RBFOX1: variants seen among roughly 807,000 people sequenced by gnomAD.
The protein encoded by RBFOX1 is RNA binding protein fox-1 homolog 1.
In RBFOX1, 8 loss-of-function variants were observed where a neutral mutation model predicts 57.7. The ratio of observed to expected loss-of-function variants is 0.14; its 90% CI spans 0.08 to 0.25. The LOEUF is 0.25. RBFOX1 is among the 10% of genes least tolerant of loss of function. The probability of loss-of-function intolerance (pLI) is 1.00; values close to 1 mark genes in which losing one functional copy is unlikely to be tolerated. For missense variants in RBFOX1, 611 were observed against 548.5 expected, an observed-to-expected ratio of 1.11 and a Z score of -1.14; for synonymous variants, 326 against 222.4, an observed-to-expected ratio of 1.47 and a Z score of -4.15.
intron 3 of RBFOX1, among the ~76,000 whole-genome samples, chr16:6,810,501 T>C (rs1195757251): frequency 6.6e-6 from 1 of 152,188 alleles, no homozygotes; most frequent in African/African-American, 2.4e-5. Flanking sequence ...GTCTTGATTC[T>C]GTGAATGTCC....
At chr16:6,620,757 A>G (rs1294211569) in intron 2 of RBFOX1, among the ~76,000 whole-genome samples, 1 of 152,218 alleles carries the variant, frequency 6.6e-6, no homozygotes, top group Non-Finnish European at 1.5e-5. Context: ...TCTGAAAGAA[A>G]TGGATAAATT....
chr16:6,998,152 T>G (rs1213166231), intron 3 of RBFOX1, among the ~76,000 whole-genome samples: 1 of 152,164 alleles, frequency 6.6e-6, no homozygotes, highest in South Asian at 2.1e-4. Flanking sequence ...TATTTACTTA[T>G]TGAGTGTAAA....
intron 2 of RBFOX1, among the ~76,000 whole-genome samples, chr16:6,455,145 G>C (rs2094737502): frequency 1.3e-5 from 2 of 151,308 alleles, no homozygotes; most frequent in South Asian, 4.2e-4. Context: ...CACCCGCCCT[G>C]GCCTCCCAAA....
chr16:6,650,317 C>T (rs555876775), intron 2 of RBFOX1, among the ~76,000 whole-genome samples: 1 of 151,792 alleles, frequency 6.6e-6, no homozygotes, highest in African/African-American at 2.4e-5. Flanking sequence ...ATAACCCCTT[C>T]TTCCCATAGC....
Position 7,658,855 on chromosome 16 carries a change from A to T in RBFOX1, c.890+4908A>T, listed in dbSNP as rs553655795. 3.9e-5 allele frequency among the ~76,000 whole-genome samples: 6 copies of T among 152,214 alleles called. No individual in the cohort carries two copies. In the East Asian group the frequency reaches 1.2e-3, roughly 29 times the overall value. ...TTCTCCTGTCTTCAGCTTCCCAGGTAGCTGGGATTATAGGCACATGCCACC... is the reference window on the plus strand; with the variant it reads ...TTCTCCTGTCTTCAGCTTCCCAGGTTGCTGGGATTATAGGCACATGCCACC... On this transcript the variant is annotated intron_variant, in intron 12 of 15. Coordinates refer to ENST00000550418, the MANE Select transcript of RBFOX1 (RefSeq NM_018723.4).
At chr16:7,440,550 A>G (rs907003973) in intron 4 of RBFOX1, among the ~76,000 whole-genome samples, 4 of 152,172 alleles carry the variant, frequency 2.6e-5, no homozygotes, top group Admixed American at 2.0e-4. Flanking sequence ...CCTCAGGCGT[A>G]TAGGCAATTA....
chr16:6,639,665 A>G (rs1416784858), intron 2 of RBFOX1, among the ~76,000 whole-genome samples: 1 of 152,080 alleles, frequency 6.6e-6, no homozygotes, highest in African/African-American at 2.4e-5. Context: ...TCACGACGTC[A>G]GGAGATTGAG....
rs554450406 is a variant in RBFOX1 at position 7,011,224 on chromosome 16, G to C, written c.-15-40833G>C. Among the ~76,000 whole-genome samples, 3 of 152,206 alleles carry C rather than the reference G, an allele frequency of 2.0e-5. No homozygotes were observed. The East Asian group carries it at 5.8e-4, about 30-fold the overall frequency. The stretch of plus-strand genomic sequence containing the variant: ...TTCGTGGAGTCCTCATACCATTCCA[G>C]GGCTGGTTCTAAGGGCTTTTGCAAC... On this transcript the variant is annotated intron_variant, in intron 3 of 15. Coordinates refer to ENST00000550418, the MANE Select transcript of RBFOX1 (RefSeq NM_018723.4).
chr16:7,123,882 A>G (rs781614670), intron 4 of RBFOX1, among the ~76,000 whole-genome samples: 2 of 152,204 alleles, frequency 1.3e-5, no homozygotes, highest in Non-Finnish European at 2.9e-5. Context: ...CTGTTTTAAG[A>G]ACATGCCACA....
At chr16:6,744,361 C>T (rs917850192) in intron 3 of RBFOX1, among the ~76,000 whole-genome samples, 1 of 152,034 alleles carries the variant, frequency 6.6e-6, no homozygotes, top group Non-Finnish European at 1.5e-5. Flanking sequence ...TAATTAATGA[C>T]TGTAGAACCC....
At chr16:5,743,356 A>G (rs1296530011) in intron 3 of RBFOX1, among the ~76,000 whole-genome samples, 8 of 152,198 alleles carry the variant, frequency 5.3e-5, no homozygotes, top group Admixed American at 4.6e-4. Context: ...AGTGTCAGCT[A>G]GAATCAGACA....
chr16:7,103,370 A>G (rs1380293335), intron 4 of RBFOX1, among the ~76,000 whole-genome samples: 3 of 152,212 alleles, frequency 2.0e-5, no homozygotes, highest in Admixed American at 6.5e-5. Context: ...ATGCTGGAAT[A>G]AAATAGCAAA....
At position 5,284,756 on chromosome 16, in the gene RBFOX1, A is replaced by ATTTTTTTTTTTTT. The variant is rs1166998032; in HGVS notation, c.219+44665_219+44677dup. 8.0e-4 allele frequency among the ~76,000 whole-genome samples: 49 copies of ATTTTTTTTTTTTT among 61,048 alleles called. 5 individuals carry two copies. Among genetic ancestry groups the ATTTTTTTTTTTTT allele is most frequent in the South Asian group, 2.4e-3 (3 of 1,264 alleles). The allele number at this position is 61,048 out of a possible 152,430, so 40.0% of individuals were successfully genotyped here. On this transcript the variant is annotated intron_variant, in intron 1 of 2. Coordinates refer to the RBFOX1 transcript ENST00000585867. ...GCTGGGTATAGTAGTTTTGGCTTAGATTTTTTTTTTTTTTTTTTTTTTTTT... is the reference window on the plus strand; with the variant it reads ...GCTGGGTATAGTAGTTTTGGCTTAGATTTTTTTTTTTTTTTTTTTTTTTTTTTTTTTTTTTTTT...
At position 5,500,658 on chromosome 16, in the gene RBFOX1, C is replaced by T. The variant is rs1442042184; in HGVS notation, c.258+33404C>T. 5.9e-5 allele frequency among the ~76,000 whole-genome samples: 9 copies of T among 152,338 alleles called. No individual in the cohort carries two copies. The East Asian group carries it at 1.7e-3, about 29-fold the overall frequency. On this transcript the variant is annotated intron_variant, in intron 2 of 2. Coordinates refer to the RBFOX1 transcript ENST00000585867. Reference sequence around the variant, plus strand: ...TCTATCCAGACACACCATCCTCAGCCAGCAGCCTCAGTGTATGGGTCCCAA... The same window carrying T: ...TCTATCCAGACACACCATCCTCAGCTAGCAGCCTCAGTGTATGGGTCCCAA...
At chr16:7,210,486 T>C (rs1443463224) in intron 4 of RBFOX1, among the ~76,000 whole-genome samples, 2 of 152,178 alleles carry the variant, frequency 1.3e-5, no homozygotes, top group African/African-American at 4.8e-5. Flanking sequence ...CAATCAATGT[T>C]AGGTGTTATT....
At chr16:5,399,013 T>C (rs1026732119) in intron 1 of RBFOX1, among the ~76,000 whole-genome samples, 16 of 152,230 alleles carry the variant, frequency 1.1e-4, no homozygotes, top group Non-Finnish European at 1.2e-4. Flanking sequence ...AGGGCCGCAG[T>C]GACAGCAGCT....
At chr16:5,931,918 C>T (rs577038282) in intron 4 of RBFOX1, among the ~76,000 whole-genome samples, 1 of 152,284 alleles carries the variant, frequency 6.6e-6, no homozygotes, top group South Asian at 2.1e-4. Flanking sequence ...AGCATTCCAC[C>T]CACTTCAGCC....
At chr16:6,847,356 G>A (rs915212434) in intron 3 of RBFOX1, among the ~76,000 whole-genome samples, 4 of 152,128 alleles carry the variant, frequency 2.6e-5, no homozygotes, top group Admixed American at 2.0e-4. Context: ...CAACTGCAAG[G>A]GGGTCTTCAA....
chr16:5,856,177 CTCTCTCTCTCTATA>C (rs1402369666), intron 3 of RBFOX1, among the ~76,000 whole-genome samples: 2 of 57,214 alleles, frequency 3.5e-5, no homozygotes, highest in Non-Finnish European at 6.8e-5. Flanking sequence ...CTCTCTCTCT[CTCTCTCTCTCTATA>C]TATATATATA....
Sources: allele counts gnomAD v4.1 joint callset (sites outside exome capture counted in the v4.1 genomes callset), GRCh38; gene constraint gnomAD v4.1.1; transcripts MANE v1.5; gene names NCBI Gene and HGNC (gene_info 2026-07-23, HGNC 2026-07-21).